The following STMN4 variants were observed in gnomAD, a reference collection of about 807,000 sequenced individuals.
The protein encoded by STMN4 is stathmin 4.
Under a neutral mutation model 29.1 loss-of-function variants are expected in STMN4, and 12 were observed. The observed-to-expected ratio is 0.41, with a 90% CI of 0.26 to 0.67. The LOEUF is 0.67. Among genes scored for constraint, STMN4 ranks in the 30% least tolerant of loss-of-function variants. The probability of loss-of-function intolerance (pLI) is 0.30; values close to 1 mark genes in which losing one functional copy is unlikely to be tolerated. For missense variants in STMN4, 181 were observed against 262.8 expected, an observed-to-expected ratio of 0.69 and a Z score of 2.15; for synonymous variants, 114 against 105.3, an observed-to-expected ratio of 1.08 and a Z score of -0.51.
intron 1 of STMN4, among the ~76,000 whole-genome samples, chr8:27,252,437 AAAAC>A (rs1454038388): frequency 2.6e-5 from 4 of 152,194 alleles, no homozygotes; most frequent in African/African-American, 9.6e-5. Flanking sequence ...TTACAAGAAA[AAAAC>A]AAACAACCCC....
intron 6 of STMN4, chr8:27,239,301 G>A: frequency 1.3e-6 from 2 of 1,535,496 alleles, no homozygotes; most frequent in Non-Finnish European, 1.7e-6. Context: ...ACACAGAGCT[G>A]GAGCTCTCCC....
At chr8:27,248,520 G>A (rs1242135407) in intron 1 of STMN4, among the ~76,000 whole-genome samples, 2 of 152,296 alleles carry the variant, frequency 1.3e-5, no homozygotes, top group Admixed American at 6.5e-5. Context: ...GAAGGACTTT[G>A]TGCTTTATCT....
At chr8:27,244,556 G>A (rs1190543149) in intron 1 of STMN4, among the ~76,000 whole-genome samples, 1 of 152,146 alleles carries the variant, frequency 6.6e-6, no homozygotes, top group Non-Finnish European at 1.5e-5. Context: ...CATTTGCCAG[G>A]GAGCCTGGGA....
intron 1 of STMN4, among the ~76,000 whole-genome samples, chr8:27,251,338 A>ATT (rs1277917704): frequency 8.8e-6 from 1 of 114,258 alleles, no homozygotes; most frequent in Non-Finnish European, 1.9e-5. Flanking sequence ...GTGTATATAT[A>ATT]TTATATATAT....
chr8:27,241,357 G>C, intron 4 of STMN4, 95 bp from the exon 5 acceptor site: 2 of 1,513,630 alleles, frequency 1.3e-6, no homozygotes, highest in South Asian at 1.2e-5. Context: ...GGAGAACTGG[G>C]GCCCCAAGCA....
At chr8:27,242,603 C>A (rs1801508612) in intron 2 of STMN4, 111 bp from the exon 3 acceptor site, 8 of 1,016,124 alleles carry the variant, frequency 7.9e-6, no homozygotes, top group African/African-American at 1.6e-5. Flanking sequence ...GGCACTCAAA[C>A]CACGCAGGCA....
At chr8:27,242,595 C>A in intron 2 of STMN4, 103 bp from the exon 3 acceptor site, 1 of 1,109,010 alleles carries the variant, frequency 9.0e-7, no homozygotes. Context: ...TCCATAAAGG[C>A]ACTCAAACCA....
rs565999044 is a variant in STMN4 at position 27,251,530 on chromosome 8, G to T, written c.-79+6821C>A. Among the ~76,000 whole-genome samples, 17 of 151,778 alleles carry T rather than the reference G, an allele frequency of 1.1e-4. 1 individual carries two copies. The South Asian group carries it at 3.3e-3, about 30-fold the overall frequency. On this transcript the variant is annotated intron_variant, in intron 1 of 6. Coordinates refer to ENST00000350889, the MANE Select transcript of STMN4 (RefSeq NM_030795.4). ...TAATCTTACTCCCAATAACAACAAT[G>T]TGATTGAATATTGCTTTATGATTAC...
intron 1 of STMN4, among the ~76,000 whole-genome samples, chr8:27,250,343 G>A (rs1451758551): frequency 6.6e-6 from 1 of 152,146 alleles, no homozygotes; most frequent in Admixed American, 6.5e-5. Flanking sequence ...CATAAATGTG[G>A]TTTTCATTCT....
intron 1 of STMN4, among the ~76,000 whole-genome samples, chr8:27,251,288 A>G (rs1248192642): frequency 6.9e-6 from 1 of 145,276 alleles, no homozygotes; most frequent in Non-Finnish European, 1.5e-5. Flanking sequence ...GTATATACGT[A>G]TATATATATA....
chr8:27,240,174 T>C lies in STMN4; in HGVS notation c.400-12A>G, dbSNP rs753615097. On this transcript the variant is annotated splice_polypyrimidine_tract_variant and intron_variant, in intron 5 of 6. Transcript: ENST00000350889. ...TCCGCTTCCTGGTACTGGGGAAGCA[T>C]AAAGGCAGAAGGAGGCCCTTCACAG... is the stretch of plus-strand genomic sequence containing the variant. The C allele has an allele frequency of 1.3e-5, 21 of 1,611,840 alleles. No homozygotes were observed. The highest frequency in any genetic ancestry group is 4.0e-5 in the African/African-American group (3 of 74,712).
intron 1 of STMN4, among the ~76,000 whole-genome samples, chr8:27,247,787 G>A (rs1378335029): frequency 6.6e-6 from 1 of 152,200 alleles, no homozygotes; most frequent in Non-Finnish European, 1.5e-5. Flanking sequence ...GGAAGCATGA[G>A]GCAAGGAGTG....
chr8:27,236,921 G>C lies in STMN4; in HGVS notation c.592-16C>G. ...CGTGCTTGTCCTGGAAAGGAAGGGA[G>C]GGAAAAGGGCAGGTCACACAAGGCT... On this transcript the variant is annotated splice_polypyrimidine_tract_variant and intron_variant, in intron 6 of 6. Coordinates refer to ENST00000350889, the MANE Select transcript of STMN4 (RefSeq NM_030795.4). The C allele has an allele frequency of 6.2e-7, 1 of 1,605,446 alleles. No homozygotes were observed. The highest frequency in any genetic ancestry group is 8.5e-7 in the Non-Finnish European group (1 of 1,176,374).
intron 3 of STMN4, chr8:27,242,116 A>G (rs908568784): frequency 1.8e-5 from 10 of 565,172 alleles, no homozygotes; most frequent in African/African-American, 5.6e-5. Flanking sequence ...TCACCTTTGC[A>G]TACCCCCCAG....
intron 1 of STMN4, among the ~76,000 whole-genome samples, chr8:27,247,406 AT>A (rs1801657238): frequency 6.6e-6 from 1 of 152,204 alleles, no homozygotes; most frequent in African/African-American, 2.4e-5. Flanking sequence ...GACACAGAAG[AT>A]AAAAAGGTGG....
chr8:27,244,221 G>T (rs948155705), intron 1 of STMN4, among the ~76,000 whole-genome samples: 2 of 152,126 alleles, frequency 1.3e-5, no homozygotes, highest in Non-Finnish European at 2.9e-5. Flanking sequence ...ACTTCTCCCC[G>T]CACATGCCCC....
Position 27,241,034 on chromosome 8 carries a change from A to C in STMN4, c.399+20T>G. On this transcript the variant is annotated intron_variant, in intron 5 of 6. Transcript: ENST00000350889. The stretch of plus-strand genomic sequence containing the variant: ...CCCTTTATGCTGAGAGGGAGGAAAG[A>C]AGGAAGGGTCAGCATTTACCTTCCT... The C allele has an allele frequency of 6.2e-7, 1 of 1,603,786 alleles. No individual in the cohort carries two copies. Among genetic ancestry groups the C allele is most frequent in the Non-Finnish European group, 8.5e-7 (1 of 1,174,040 alleles).
At chr8:27,238,832 G>C (rs559364026) in intron 6 of STMN4, among the ~76,000 whole-genome samples, 4 of 152,232 alleles carry the variant, frequency 2.6e-5, no homozygotes, top group Non-Finnish European at 4.4e-5. Flanking sequence ...GGATAGTGGC[G>C]AGAGGAAATG....
rs1801304787 is a variant in STMN4, at chr8:27,236,157, C to T, written c.*689G>A. 1.3e-5 allele frequency: 2 copies of T among 152,204 alleles called. No homozygotes were observed. The highest frequency in any genetic ancestry group is 4.1e-4 in the South Asian group (2 of 4,830). The allele number at this position is 152,204 out of a possible 1,614,324, so 9.4% of individuals were successfully genotyped here. On this transcript the variant is annotated 3_prime_UTR_variant, in exon 7 of 7. Coordinates refer to ENST00000350889, the MANE Select transcript of STMN4 (RefSeq NM_030795.4). Reference sequence around the variant, plus strand: ...CCAAAGGCTGGCCTGATTCAACCCACCTCACCCAGGCTCCAGATGCTTGAA... The same window carrying T: ...CCAAAGGCTGGCCTGATTCAACCCATCTCACCCAGGCTCCAGATGCTTGAA...
Sources: allele counts gnomAD v4.1 joint callset (sites outside exome capture counted in the v4.1 genomes callset), GRCh38; gene constraint gnomAD v4.1.1; transcripts MANE v1.5; gene names NCBI Gene and HGNC (gene_info 2026-07-23, HGNC 2026-07-21).